KDM2B: variants seen among roughly 807,000 people sequenced by gnomAD.
The protein encoded by KDM2B is lysine-specific demethylase 2B.
In KDM2B, 26 loss-of-function variants were observed where a neutral mutation model predicts 150.0. The ratio of observed to expected loss-of-function variants is 0.17; its 90% CI spans 0.13 to 0.24. The LOEUF (loss-of-function observed/expected upper bound fraction) is 0.24, where lower values mean the gene tolerates loss of function less well. Ranked by LOEUF, KDM2B falls within the 10% of genes least tolerant of loss-of-function variation. The probability of loss-of-function intolerance (pLI) is 1.00; values close to 1 mark genes in which losing one functional copy is unlikely to be tolerated. For synonymous variants in KDM2B, 734 were observed against 729.5 expected (o/e 1.01, Z -0.10); for missense variants, 1,265 against 1,816.9 (o/e 0.70, Z 5.52).
rs1426249629 is a variant in KDM2B at position 121,537,770 on chromosome 12, G to A, written c.684-3180C>T. Among the ~76,000 whole-genome samples, 1 of 151,926 alleles carries A rather than the reference G, an allele frequency of 6.6e-6. No individual in the cohort carries two copies. The highest frequency in any genetic ancestry group is 1.5e-5 in the Non-Finnish European group (1 of 67,898). ...GCGCGGGAGGTGCCAAGAGCGCGCC[G>A]CACACTCGCACCCGACCCCGGGAGA... On this transcript the variant is annotated intron_variant, in intron 6 of 22. Transcript: ENST00000377071. The surrounding 1 kb of genome is among the most constrained non-coding windows in gnomAD (Gnocchi z 8.7).
chr12:121,463,700 C>T (rs1310800070), intron 12 of KDM2B, among the ~76,000 whole-genome samples: 1 of 152,182 alleles, frequency 6.6e-6, no homozygotes, highest in Non-Finnish European at 1.5e-5. Flanking sequence ...CCCACCTCAG[C>T]CTCCGAGTAG....
chr12:121,528,165 C>T (rs1887316395), intron 8 of KDM2B, among the ~76,000 whole-genome samples: 1 of 152,230 alleles, frequency 6.6e-6, no homozygotes, highest in Non-Finnish European at 1.5e-5. Flanking sequence ...CCCCTTTCTC[C>T]AGGTCATTCT....
At chr12:121,459,908 G>A (rs543462180) in intron 12 of KDM2B, among the ~76,000 whole-genome samples, 6 of 151,702 alleles carry the variant, frequency 4.0e-5, no homozygotes, top group Non-Finnish European at 7.4e-5. Flanking sequence ...GAAAATATTT[G>A]TAAATCATGT....
chr12:121,529,995 A>G (rs1244306112), intron 8 of KDM2B, among the ~76,000 whole-genome samples: 3 of 151,334 alleles, frequency 2.0e-5, no homozygotes, highest in Admixed American at 6.6e-5. Context: ...TTGGGAGGCC[A>G]AGGTGGGCAG....
At chr12:121,480,045 A>G (rs1363828058) in intron 12 of KDM2B, among the ~76,000 whole-genome samples, 1 of 152,116 alleles carries the variant, frequency 6.6e-6, no homozygotes, top group Non-Finnish European at 1.5e-5. Context: ...CAGCCTCCCA[A>G]GTAGCTAGCA....
rs1056824471 is a variant in KDM2B at position 121,537,407 on chromosome 12, C to G, written c.684-2817G>C. On this transcript the variant is annotated intron_variant, in intron 6 of 22. Transcript: ENST00000377071. This position sits in a 1 kb window ranked among gnomAD's most constrained non-coding sequence, Gnocchi z 8.7. ...TCTCCCCACGGCCAGCCGGCTAGCC[C>G]GGCTTCCGCCTGGGCCTCGGCCGCC... 1 of 152,434 alleles carries G rather than the reference C, an allele frequency of 6.6e-6. No homozygotes were observed. The highest frequency in any genetic ancestry group is 2.4e-5 in the African/African-American group (1 of 41,458). The allele number at this position is 152,434 out of a possible 1,614,324, so 9.4% of individuals were successfully genotyped here.
intron 4 of KDM2B, among the ~76,000 whole-genome samples, chr12:121,573,016 G>A (rs1223090660): frequency 6.6e-6 from 1 of 151,662 alleles, no homozygotes; most frequent in African/African-American, 2.4e-5. Flanking sequence ...AGTAGAGACG[G>A]GGTTTCACCA....
the KDM2B span, chr12:121,420,634 G>T: frequency 6.2e-7 from 1 of 1,614,172 alleles, no homozygotes; most frequent in Admixed American, 1.7e-5. Flanking sequence ...GTCAAGCCTT[G>T]ATGATGTGGA....
At chr12:121,524,632 GA>G in intron 8 of KDM2B, 1 of 437,638 alleles carries the variant, frequency 2.3e-6, no homozygotes. Context: ...CCCTCAGTAA[GA>G]AGGAGGTGTG....
chr12:121,543,487 C>A (rs1363254618), intron 6 of KDM2B, among the ~76,000 whole-genome samples: 1 of 151,876 alleles, frequency 6.6e-6, no homozygotes, highest in Non-Finnish European at 1.5e-5. Flanking sequence ...ACAGAGACAT[C>A]CCCCTGCTGC....
chr12:121,581,067 C>T (rs1555317969), upstream of KDM2B: 7 of 965,208 alleles, frequency 7.3e-6, no homozygotes, highest in Admixed American at 3.2e-5. Context: ...CGCAGCTGAC[C>T]GGAAGACGTT....
rs1249738466 is a variant in KDM2B at position 121,520,907 on chromosome 12, T to C, written c.1047+78A>G. On this transcript the variant is annotated intron_variant, in intron 9 of 22. Coordinates refer to ENST00000377071, the MANE Select transcript of KDM2B (RefSeq NM_032590.5). The surrounding 1 kb of genome is among the most constrained non-coding windows in gnomAD (Gnocchi z 4.5). ...AGGGGAACTGTGGAGGACTTCAGTA[T>C]GACCTGTCCCACACACCGAGCACCG... 4.7e-6 allele frequency: 5 copies of C among 1,068,212 alleles called. No individual in the cohort carries two copies. Among genetic ancestry groups the C allele is most frequent in the Admixed American group, 1.8e-5 (1 of 56,056 alleles). The allele number at this position is 1,068,212 out of a possible 1,614,324, so 66.2% of individuals were successfully genotyped here.
chr12:121,465,463 A>G (rs1555294582), intron 12 of KDM2B, among the ~76,000 whole-genome samples: 1 of 152,152 alleles, frequency 6.6e-6, no homozygotes, highest in East Asian at 1.9e-4. Flanking sequence ...CGAACTCCTG[A>G]GCTCAAGTGA....
intron 13 of KDM2B, among the ~76,000 whole-genome samples, chr12:121,448,311 C>T (rs1451852418): frequency 9.9e-6 from 1 of 100,910 alleles, no homozygotes; most frequent in African/African-American, 4.6e-5. Flanking sequence ...CACAGCAAGA[C>T]TCTGTCTCAA....
chr12:121,496,871 C>G (rs1325048399), intron 11 of KDM2B, among the ~76,000 whole-genome samples: 1 of 151,528 alleles, frequency 6.6e-6, no homozygotes, highest in Non-Finnish European at 1.5e-5. Context: ...AGGTGTGAGC[C>G]CCCCAAAGTG....
Position 121,537,922 on chromosome 12 carries a change from G to A in KDM2B, c.684-3332C>T, listed in dbSNP as rs1236766991. On this transcript the variant is annotated intron_variant, in intron 6 of 22. Coordinates refer to ENST00000377071, the MANE Select transcript of KDM2B (RefSeq NM_032590.5). This position sits in a 1 kb window ranked among gnomAD's most constrained non-coding sequence, Gnocchi z 8.7. ...GCGGCCCGCGGTTACCCTCGGCGGC[G>A]GCGGCGGCGGCTCCCGTGCGTCCCC... 6.6e-6 allele frequency among the ~76,000 whole-genome samples: 1 copy of A among 150,894 alleles called. No individual in the cohort carries two copies. The highest frequency in any genetic ancestry group is 1.5e-5 in the Non-Finnish European group (1 of 67,602).
chr12:121,492,114 C>T (rs1283193599), intron 12 of KDM2B, among the ~76,000 whole-genome samples: 2 of 152,056 alleles, frequency 1.3e-5, no homozygotes, highest in Non-Finnish European at 2.9e-5. Context: ...CCTATGATTG[C>T]ACCACTGCAC....
intron 9 of KDM2B, chr12:121,516,480 C>CGCCT: frequency 1.5e-6 from 2 of 1,356,124 alleles, no homozygotes; most frequent in Non-Finnish European, 1.9e-6. Flanking sequence ...AACAGGTTGT[C>CGCCT]GCCTTCCACC....
At chr12:121,423,488 T>C in the KDM2B span, 1 of 1,614,160 alleles carries the variant, frequency 6.2e-7, no homozygotes, top group Non-Finnish European at 8.5e-7. The surrounding 1 kb of genome is among the most constrained non-coding windows in gnomAD (Gnocchi z 4.3). Flanking sequence ...GGGCACATGG[T>C]TACCTGCACC....
Sources: gnomAD v4.1 joint callset for allele counts (sites outside exome capture counted in the v4.1 genomes callset) on GRCh38, gnomAD v4.1.1 for gene constraint, Gnocchi (gnomAD v3.1) non-coding constraint, MANE v1.5 for transcripts, NCBI Gene and HGNC (gene_info 2026-07-23, HGNC 2026-07-21) for gene names.